The following LRRC8E variants were observed in gnomAD, a reference collection of about 807,000 sequenced individuals.
LRRC8E encodes the protein leucine rich repeat containing 8 VRAC subunit E.
Under a neutral mutation model 6.1 loss-of-function variants are expected in LRRC8E, and 6 were observed. The observed-to-expected ratio is 0.98, with a 90% CI of 0.54 to 1.93. The LOEUF (loss-of-function observed/expected upper bound fraction) is 1.93. Ranked by LOEUF, LRRC8E falls within the 30% of genes most tolerant of loss-of-function variation. LRRC8E has a pLI of 0.01. For missense variants in LRRC8E, 1,028 were observed against 1,031.4 expected, an observed-to-expected ratio of 1.00 and a Z score of 0.04; for synonymous variants, 485 against 472.8, an observed-to-expected ratio of 1.03 and a Z score of -0.33.
chr19:7,901,579 T>C lies in LRRC8E; in HGVS notation c.*666T>C, dbSNP rs2145120009. On this transcript the variant is annotated 3_prime_UTR_variant, in exon 3 of 3. Transcript: ENST00000306708. ...CCTGAGACAGTATGTTGGGAAATGCTGACGTAAAGGTATCAGGGCCGGGCG... is the reference window on the plus strand; with the variant it reads ...CCTGAGACAGTATGTTGGGAAATGCCGACGTAAAGGTATCAGGGCCGGGCG... 1 of 152,266 alleles carries C rather than the reference T, an allele frequency of 6.6e-6. No homozygotes were observed. Among genetic ancestry groups the C allele is most frequent in the South Asian group, 2.1e-4 (1 of 4,820 alleles). 9.4% of individuals were successfully genotyped at this position (152,266 alleles called of 1,614,324 possible).
chr19:7,891,430 T>C (rs1244118195), intron 1 of LRRC8E, among the ~76,000 whole-genome samples: 1 of 151,826 alleles, frequency 6.6e-6, no homozygotes, highest in Admixed American at 6.6e-5. Flanking sequence ...GTCCCCTGAG[T>C]GTTGCTGCCT....
In LRRC8E at chr19:7,900,991, G is replaced by C; in HGVS notation, c.*78G>C. 2 of 1,090,670 alleles carry C rather than the reference G, an allele frequency of 1.8e-6. No homozygotes were observed. The highest frequency in any genetic ancestry group is 5.5e-5 in the East Asian group (2 of 36,600). 67.6% of individuals were successfully genotyped at this position (1,090,670 alleles called of 1,614,324 possible). A position where few individuals can be genotyped will look rare whatever the true frequency, so the allele number is the denominator to read the frequency against. ...ATCTCAACCATTGTCTTCCAAGATA[G>C]GAAGCCAAGTGGGTCCAGGCCAGGA... On this transcript the variant is annotated 3_prime_UTR_variant, in exon 3 of 3. Coordinates refer to ENST00000306708, the MANE Select transcript of LRRC8E (RefSeq NM_025061.6). This position sits in a 1 kb window ranked among gnomAD's most constrained non-coding sequence, Gnocchi z 5.0.
chr19:7,889,852 C>A (rs1981214457), intron 1 of LRRC8E, among the ~76,000 whole-genome samples: 2 of 151,392 alleles, frequency 1.3e-5, no homozygotes, highest in African/African-American at 4.9e-5. Flanking sequence ...CAGGTTCAAG[C>A]GATTCTCCTG....
rs1981830437 is a variant in LRRC8E at position 7,899,584 on chromosome 19, G to A, written c.1062G>A (p.Gly354=). Residue 354 remains glycine, a synonymous_variant, in exon 3 of 3, where the codon GGG becomes GGA. Transcript: ENST00000306708. ...FRSVREETGM[G]DIPDVKNDFA... ...CCGTGCGGGAGGAGACTGGCATGGG[G>A]GACATTCCTGACGTCAAGAATGACT... 7 of 1,613,836 alleles carry A rather than the reference G, an allele frequency of 4.3e-6. No individual in the cohort carries two copies. Among genetic ancestry groups the A allele is most frequent in the Non-Finnish European group, 5.9e-6 (7 of 1,180,036 alleles).
At position 7,898,691 on chromosome 19, in the gene LRRC8E, A is replaced by C. The variant is rs1340651924; in HGVS notation, c.169A>C (p.Asn57His). Residue 57 changes from asparagine (N) to histidine (H), a missense_variant, in exon 3 of 3, where the codon AAT (asparagine) becomes CAT (histidine). Transcript: ENST00000306708. ...VTQDKIICLP[N>H]HELQENLSEA... Reference sequence around the variant, plus strand: ...ACAGGACAAGATCATCTGTCTACCCAATCATGAGCTCCAGGAGAACTTATC... The same window carrying C: ...ACAGGACAAGATCATCTGTCTACCCCATCATGAGCTCCAGGAGAACTTATC... The C allele has an allele frequency of 6.2e-7, 1 of 1,611,880 alleles. No individual in the cohort carries two copies. Among genetic ancestry groups the C allele is most frequent in the African/African-American group, 1.3e-5 (1 of 74,882 alleles).
At chr19:7,896,261 T>C (rs993558553) in intron 2 of LRRC8E, among the ~76,000 whole-genome samples, 3 of 151,156 alleles carry the variant, frequency 2.0e-5, no homozygotes, top group African/African-American at 7.3e-5. Context: ...TTTCTTTTTT[T>C]TTTTTTTCTT....
In LRRC8E at chr19:7,900,062, C is replaced by A; in HGVS notation, c.1540C>A (p.Leu514Met). The change falls in exon 3 of 3, where the codon CTG becomes ATG. Residue 514 changes from leucine to methionine, a missense_variant. Coordinates refer to ENST00000306708, the MANE Select transcript of LRRC8E (RefSeq NM_025061.6). The surrounding 1 kb of genome is among the most constrained non-coding windows in gnomAD (Gnocchi z 5.0). ...GCTGCGGGGCTTGGAGGAGCTGCACCTGGAGGGGCTTTTCCCCCAGGAGCT... is the reference window on the plus strand; with the variant it reads ...GCTGCGGGGCTTGGAGGAGCTGCACATGGAGGGGCTTTTCCCCCAGGAGCT... ...FGLRGLEELHLEGLFPQELAR... is the reference protein window; with the variant it reads ...FGLRGLEELHMEGLFPQELAR... The A allele has an allele frequency of 6.2e-7, 1 of 1,611,612 alleles. No individual in the cohort carries two copies. Among genetic ancestry groups the A allele is most frequent in the Non-Finnish European group, 8.5e-7 (1 of 1,179,652 alleles).
In LRRC8E at chr19:7,899,631, T is replaced by C; in HGVS notation, c.1109T>C (p.Ile370Thr). ...GACTTCGCCTTCATGCTGCACCTCA[T>C]CGATCAGTACGACTCCCTCTACTCC... ...KNDFAFMLHLIDQYDSLYSKR... is the reference protein window; with the variant it reads ...KNDFAFMLHLTDQYDSLYSKR... Residue 370 changes from isoleucine (I) to threonine (T), a missense_variant, in exon 3 of 3, where the codon ATC becomes ACC. Transcript: ENST00000306708. The C allele has an allele frequency of 6.2e-7, 1 of 1,613,758 alleles. No homozygotes were observed.
chr19:7,894,537 A>C (rs1184149709), intron 1 of LRRC8E, among the ~76,000 whole-genome samples: 1 of 152,156 alleles, frequency 6.6e-6, no homozygotes, highest in Non-Finnish European at 1.5e-5. Flanking sequence ...CCAGTTACAG[A>C]TTATCTATCT....
chr19:7,900,481 G>A lies in LRRC8E; in HGVS notation c.1959G>A (p.Arg653=). 1 of 1,612,992 alleles carries A rather than the reference G, an allele frequency of 6.2e-7. No homozygotes were observed. Among genetic ancestry groups the A allele is most frequent in the Non-Finnish European group, 8.5e-7 (1 of 1,180,020 alleles). ...TCCCTGAGCACGTGCGGAAGCTCAG[G>A]AGCCTGGAGCAGCTCTACCTCAGCT... ...AYVPEHVRKL[R]SLEQLYLSYN... is the part of the protein sequence containing the mutation. The change falls in exon 3 of 3, where the codon AGG becomes AGA. Residue 653 remains arginine (R), a synonymous_variant. Transcript: ENST00000306708. The surrounding 1 kb of genome is among the most constrained non-coding windows in gnomAD (Gnocchi z 5.0).
chr19:7,899,017 C>T lies in LRRC8E; in HGVS notation c.495C>T (p.Ala165=), dbSNP rs765463009. ...TCGACTCTCCATGGACCACCAGGGC[C>T]CTATCCGAGGTCTCCGGGGAGAACC... The part of the protein sequence containing the change: ...KCFDSPWTTR[A]LSEVSGENQK... The change falls in exon 3 of 3, where the codon GCC becomes GCT. Residue 165 remains alanine (A), a synonymous_variant. Transcript: ENST00000306708. The T allele has an allele frequency of 6.2e-7, 1 of 1,613,900 alleles. No homozygotes were observed.
In LRRC8E at chr19:7,899,124, G is replaced by C. The variant is rs1037899082; in HGVS notation, c.602G>C (p.Gly201Ala). 1 of 1,613,364 alleles carries C rather than the reference G, an allele frequency of 6.2e-7. No individual in the cohort carries two copies. Among genetic ancestry groups the C allele is most frequent in the Non-Finnish European group, 8.5e-7 (1 of 1,179,588 alleles). The change falls in exon 3 of 3, where the codon GGT becomes GCT. Residue 201 changes from glycine (G) to alanine (A), a missense_variant. Physicochemically the swap from Gly to Ala is moderately conservative, Grantham distance 60. Coordinates refer to ENST00000306708, the MANE Select transcript of LRRC8E (RefSeq NM_025061.6). ...AGTGPGKAGEGEKEKVLAEPE... is the reference protein window; with the variant it reads ...AGTGPGKAGEAEKEKVLAEPE... ...ACCGGGCCGGGGAAGGCAGGGGAGGGTGAGAAGGAGAAAGTGCTGGCGGAA... is the reference window on the plus strand; with the variant it reads ...ACCGGGCCGGGGAAGGCAGGGGAGGCTGAGAAGGAGAAAGTGCTGGCGGAA...
In LRRC8E at chr19:7,898,299, G is replaced by A. The variant is rs539457151; in HGVS notation, c.139-362G>A. 8.5e-4 allele frequency among the ~76,000 whole-genome samples: 129 copies of A among 151,716 alleles called. 1 individual carries two copies. The highest frequency in any genetic ancestry group is 1.3e-3 in the Non-Finnish European group (90 of 67,974). Reference sequence around the variant, plus strand: ...GGCTGGCAACAGTCAGAGATGGGGGGTGCGGGGGGTCTCCCACCTTCAGCC... The same window carrying A: ...GGCTGGCAACAGTCAGAGATGGGGGATGCGGGGGGTCTCCCACCTTCAGCC... On this transcript the variant is annotated intron_variant, in intron 2 of 2. Coordinates refer to ENST00000306708, the MANE Select transcript of LRRC8E (RefSeq NM_025061.6).
Position 7,900,572 on chromosome 19 carries a change from T to C in LRRC8E, c.2050T>C (p.Ser684Pro). ...CTCAGGCCTCCGTCTGCTGGATGTG[T>C]CCCACAATGGGCTACACTCCCTGCC... is the stretch of plus-strand genomic sequence containing the variant. ...LCSGLRLLDV[S>P]HNGLHSLPPE... is the part of the protein sequence containing the mutation. Residue 684 changes from serine to proline, a missense_variant, in exon 3 of 3, where the codon TCC becomes CCC. Coordinates refer to ENST00000306708, the MANE Select transcript of LRRC8E (RefSeq NM_025061.6). The surrounding 1 kb of genome is among the most constrained non-coding windows in gnomAD (Gnocchi z 5.0). 1 of 1,613,180 alleles carries C rather than the reference T, an allele frequency of 6.2e-7. No homozygotes were observed. The highest frequency in any genetic ancestry group is 8.5e-7 in the Non-Finnish European group (1 of 1,180,022).
chr19:7,890,465 A>C (rs1283412861), intron 1 of LRRC8E, among the ~76,000 whole-genome samples: 2 of 152,152 alleles, frequency 1.3e-5, no homozygotes, highest in Non-Finnish European at 2.9e-5. Context: ...ATCACGGCTC[A>C]CTGCAACTTC....
chr19:7,900,467 G>C lies in LRRC8E; in HGVS notation c.1945G>C (p.Val649Leu). The change falls in exon 3 of 3, where the codon GTG becomes CTG. Residue 649 changes from valine to leucine, a missense_variant. Coordinates refer to ENST00000306708, the MANE Select transcript of LRRC8E (RefSeq NM_025061.6). This position sits in a 1 kb window ranked among gnomAD's most constrained non-coding sequence, Gnocchi z 5.0. The stretch of plus-strand genomic sequence containing the variant: ...CCAGATCGCCTACGTCCCTGAGCAC[G>C]TGCGGAAGCTCAGGAGCCTGGAGCA... ...HNQIAYVPEHVRKLRSLEQLY... is the reference protein window; with the variant it reads ...HNQIAYVPEHLRKLRSLEQLY... The C allele has an allele frequency of 6.2e-7, 1 of 1,612,984 alleles. No homozygotes were observed. The highest frequency in any genetic ancestry group is 8.5e-7 in the Non-Finnish European group (1 of 1,180,000).
chr19:7,890,651 A>G (rs903671077), intron 1 of LRRC8E, among the ~76,000 whole-genome samples: 1 of 151,720 alleles, frequency 6.6e-6, no homozygotes, highest in African/African-American at 2.4e-5. Context: ...TAGCCGGGCG[A>G]GGTGGCGGGC....
chr19:7,892,958 G>A lies in LRRC8E; in HGVS notation c.-5-2641G>A, dbSNP rs976311017. ...TCGTGCCTCAGCCTCCCGAGTAACC[G>A]GGACTACAGGCACCCTCCACCATGA... is the stretch of plus-strand genomic sequence containing the variant. On this transcript the variant is annotated intron_variant, in intron 1 of 2. Coordinates refer to ENST00000306708, the MANE Select transcript of LRRC8E (RefSeq NM_025061.6). Among the ~76,000 whole-genome samples, 6 of 152,272 alleles carry A rather than the reference G, an allele frequency of 3.9e-5. No individual in the cohort carries two copies. The East Asian group carries it at 9.7e-4, about 24-fold the overall frequency.
chr19:7,899,852 C>T lies in LRRC8E; in HGVS notation c.1330C>T (p.Leu444=). The change falls in exon 3 of 3, where the codon CTG becomes TTG. Residue 444 remains leucine (L), a synonymous_variant. Transcript: ENST00000306708. ...GCTCAGTGAGGTGGAGTCACTCAGG[C>T]TGGAGGCCATCTGCGATATCACCTT... ...FELSEVESLR[L]EAICDITFPP... The T allele has an allele frequency of 6.2e-7, 1 of 1,606,216 alleles. No homozygotes were observed. The highest frequency in any genetic ancestry group is 8.5e-7 in the Non-Finnish European group (1 of 1,179,956).
Sources: allele counts gnomAD v4.1 joint callset (sites outside exome capture counted in the v4.1 genomes callset), GRCh38; gene constraint gnomAD v4.1.1; non-coding constraint Gnocchi (gnomAD v3.1); transcripts MANE v1.5; gene names NCBI Gene and HGNC (gene_info 2026-07-23, HGNC 2026-07-21).